FAXC: variants seen among roughly 807,000 people sequenced by gnomAD.
FAXC encodes the protein failed axon connections homolog.
In FAXC, 10 loss-of-function variants were observed where a neutral mutation model predicts 41.9. That is an observed-to-expected ratio of 0.24 (90% CI 0.15 to 0.41). FAXC has a LOEUF of 0.41. Among genes scored for constraint, FAXC ranks in the 10% least tolerant of loss-of-function variants. The pLI, the probability that FAXC is intolerant of heterozygous loss-of-function variation, is 1.00. For synonymous variants in FAXC, 183 were observed against 183.8 expected (o/e 1.00, Z 0.03); for missense variants, 399 against 510.9 (o/e 0.78, Z 2.11).
chr6:99,336,000 G>T (rs990674628), intron 2 of FAXC, among the ~76,000 whole-genome samples: 1 of 152,062 alleles, frequency 6.6e-6, no homozygotes, highest in Non-Finnish European at 1.5e-5. Flanking sequence ...CAAGTAATTG[G>T]GAAGACTATA....
chr6:99,343,961 T>C (rs982997667), intron 1 of FAXC, among the ~76,000 whole-genome samples: 3 of 152,176 alleles, frequency 2.0e-5, no homozygotes, highest in Non-Finnish European at 4.4e-5. Context: ...GCTACTCTTT[T>C]GGGTGAGAAG....
In FAXC at chr6:99,325,305, G is replaced by A. The variant is rs185091551; in HGVS notation, c.600-1638C>T. 1.1e-4 allele frequency among the ~76,000 whole-genome samples: 16 copies of A among 152,280 alleles called. No individual in the cohort carries two copies. In the East Asian group the frequency reaches 2.9e-3, roughly 27 times the overall value. ...ATAAGAAATAGATTTCTCTAAAATT[G>A]CTGGATTCCTGATTTTCACCAAAAA... On this transcript the variant is annotated intron_variant, in intron 3 of 5. Coordinates refer to ENST00000389677, the MANE Select transcript of FAXC (RefSeq NM_032511.4).
intron 2 of FAXC, among the ~76,000 whole-genome samples, chr6:99,339,823 A>G (rs1773353646): frequency 2.0e-5 from 3 of 152,176 alleles, no homozygotes; most frequent in Admixed American, 2.0e-4. Flanking sequence ...AGAAAATAGA[A>G]GCAGAGTTTC....
intron 2 of FAXC, among the ~76,000 whole-genome samples, chr6:99,335,225 A>G (rs1249863964): frequency 6.6e-6 from 1 of 152,228 alleles, no homozygotes; most frequent in East Asian, 1.9e-4. Flanking sequence ...TACTTTTTAA[A>G]ATAGTAGTAA....
chr6:99,318,419 A>G (rs372879179), intron 4 of FAXC, among the ~76,000 whole-genome samples: 24 of 152,100 alleles, frequency 1.6e-4, no homozygotes, highest in African/African-American at 5.8e-4. Context: ...GTTGTTAGCA[A>G]TGGGTTAGAA....
chr6:99,281,032 T>C lies in FAXC; in HGVS notation c.*132A>G, dbSNP rs1489550318. On this transcript the variant is annotated 3_prime_UTR_variant, in exon 6 of 6. Transcript: ENST00000389677. ...GTACAAAAAAGAAATAAGGCTGCTA[T>C]AGTCCAGTTAGCATGTGAAAACTCT... 1.5e-6 allele frequency: 1 copy of C among 663,802 alleles called. No individual in the cohort carries two copies. The highest frequency in any genetic ancestry group is 2.4e-5 in the Admixed American group (1 of 41,114). 41.1% of individuals were successfully genotyped at this position (663,802 alleles called of 1,614,324 possible). A position where few individuals can be genotyped will look rare whatever the true frequency, so the allele number is the denominator to read the frequency against.
chr6:99,317,060 G>C (rs1772384122), intron 4 of FAXC, among the ~76,000 whole-genome samples: 1 of 152,060 alleles, frequency 6.6e-6, no homozygotes, highest in African/African-American at 2.4e-5. Flanking sequence ...TGTCAACAAA[G>C]ACTGAAAAAT....
chr6:99,308,167 G>A (rs899986038), intron 4 of FAXC, among the ~76,000 whole-genome samples: 2 of 152,128 alleles, frequency 1.3e-5, no homozygotes, highest in East Asian at 3.9e-4. Context: ...CATGGTGGCA[G>A]GTGCCTGTAA....
Position 99,316,089 on chromosome 6 carries a change from C to A in FAXC, c.823+7355G>T, listed in dbSNP as rs574700988. Among the ~76,000 whole-genome samples the A allele has an allele frequency of 4.6e-5, 7 of 152,286 alleles. No individual in the cohort carries two copies. The South Asian group carries it at 1.5e-3, about 32-fold the overall frequency. On this transcript the variant is annotated intron_variant, in intron 4 of 5. Coordinates refer to ENST00000389677, the MANE Select transcript of FAXC (RefSeq NM_032511.4). Reference sequence around the variant, plus strand: ...TCCAGCCACCTAGCACCCTGTACCCCACCCTGAGCTTTAAGGGGTCAGTAG... The same window carrying A: ...TCCAGCCACCTAGCACCCTGTACCCAACCCTGAGCTTTAAGGGGTCAGTAG...
chr6:99,303,137 C>T (rs1465647928), intron 4 of FAXC, among the ~76,000 whole-genome samples: 3 of 152,164 alleles, frequency 2.0e-5, no homozygotes, highest in Non-Finnish European at 2.9e-5. Context: ...ATAACCTCTC[C>T]GACAAGTGAA....
chr6:99,310,730 CCA>C (rs1392426892), intron 4 of FAXC, among the ~76,000 whole-genome samples: 1 of 152,200 alleles, frequency 6.6e-6, no homozygotes, highest in Non-Finnish European at 1.5e-5. Context: ...ATCTCTGTTC[CCA>C]GTTACTCAGC....
chr6:99,278,105 T>C lies in FAXC; in HGVS notation c.*3059A>G, dbSNP rs1342276688. 1 of 152,220 alleles carries C rather than the reference T, an allele frequency of 6.6e-6. No individual in the cohort carries two copies. Among genetic ancestry groups the C allele is most frequent in the Admixed American group, 6.5e-5 (1 of 15,272 alleles). 9.4% of individuals were successfully genotyped at this position (152,220 alleles called of 1,614,324 possible). A position where few individuals can be genotyped will look rare whatever the true frequency, so the allele number is the denominator to read the frequency against. On this transcript the variant is annotated 3_prime_UTR_variant, in exon 6 of 6. Coordinates refer to ENST00000389677, the MANE Select transcript of FAXC (RefSeq NM_032511.4). ...TGATTCAAGTCCAAGTTGTTCCAGG[T>C]CCGTGATTAGTCTCCTGGGTAGCCC...
In FAXC at chr6:99,274,057, C is replaced by T. The variant is rs79111430; in HGVS notation, c.*7107G>A. 3.5e-3 allele frequency: 525 copies of T among 152,088 alleles called. 6 individuals carry two copies. The highest frequency in any genetic ancestry group is 0.012 in the African/African-American group (507 of 41,474). 9.4% of individuals were successfully genotyped at this position (152,088 alleles called of 1,614,324 possible). A position where few individuals can be genotyped will look rare whatever the true frequency, so the allele number is the denominator to read the frequency against. On this transcript the variant is annotated 3_prime_UTR_variant, in exon 6 of 6. Transcript: ENST00000389677. ...AAAACAAAATGTACATTACTTTGTA[C>T]AATTTTATATTTATAAAATGAAAAA...
rs1186331712 is a variant in FAXC, at chr6:99,274,379, G to A, written c.*6785C>T. On this transcript the variant is annotated 3_prime_UTR_variant, in exon 6 of 6. Transcript: ENST00000389677. ...GGCACCACCTAGAAAACTTTCAATT[G>A]CCTGATACATCTCTACCACAGCCAT... 2 of 151,028 alleles carry A rather than the reference G, an allele frequency of 1.3e-5. No homozygotes were observed. The highest frequency in any genetic ancestry group is 4.9e-5 in the African/African-American group (2 of 41,120). The allele number at this position is 151,028 out of a possible 1,614,324, so 9.4% of individuals were successfully genotyped here.
intron 5 of FAXC, among the ~76,000 whole-genome samples, chr6:99,286,257 C>T (rs117721900): frequency 0.024 from 3,593 of 152,232 alleles, 77 homozygotes; most frequent in South Asian, 0.043. Flanking sequence ...TGAAAACACC[C>T]CCTTTGCCTT....
chr6:99,292,732 G>A (rs891037393), intron 4 of FAXC, among the ~76,000 whole-genome samples: 3 of 152,210 alleles, frequency 2.0e-5, no homozygotes, highest in Non-Finnish European at 4.4e-5. Context: ...AGGACAAAAT[G>A]ACATAATGTA....
chr6:99,272,191 T>TGTGTGTGTGTGTGTGTG lies in FAXC; in HGVS notation c.*8972_*8973insCACACACACACACACAC, dbSNP rs1582595807. On this transcript the variant is annotated 3_prime_UTR_variant, in exon 6 of 6. Coordinates refer to ENST00000389677, the MANE Select transcript of FAXC (RefSeq NM_032511.4). ...GTGTGTGTGTGTGTGTGTGTGTGTG[T>TGTGTGTGTGTGTGTGTG]TTGAGATGGAGTTTTGCTCTTGTTG... 4 of 146,730 alleles carry TGTGTGTGTGTGTGTGTG rather than the reference T, an allele frequency of 2.7e-5. No homozygotes were observed. The highest frequency in any genetic ancestry group is 1.4e-4 in the Admixed American group (2 of 14,728). The allele number at this position is 146,730 out of a possible 1,614,324, so 9.1% of individuals were successfully genotyped here. A position where few individuals can be genotyped will look rare whatever the true frequency, so the allele number is the denominator to read the frequency against.
At chr6:99,291,903 CAT>C (rs1562153828) in intron 4 of FAXC, 83 bp from the exon 5 acceptor site, 2 of 1,004,608 alleles carry the variant, frequency 2.0e-6, no homozygotes, top group Non-Finnish European at 3.2e-6. Flanking sequence ...CATTCTATTA[CAT>C]ATTCCTTTAC....
chr6:99,343,743 G>A (rs919168660), intron 1 of FAXC, among the ~76,000 whole-genome samples: 1 of 152,016 alleles, frequency 6.6e-6, no homozygotes, highest in African/African-American at 2.4e-5. Context: ...TGAAATTCTG[G>A]TCCCTCTTCC....
Sources: gnomAD v4.1 joint callset for allele counts (sites outside exome capture counted in the v4.1 genomes callset) on GRCh38, gnomAD v4.1.1 for gene constraint, MANE v1.5 for transcripts, NCBI Gene and HGNC (gene_info 2026-07-23, HGNC 2026-07-21) for gene names.